The following EFEMP1 variants were observed in gnomAD, a reference collection of about 807,000 sequenced individuals.
EFEMP1 encodes the protein EGF-containing fibulin-like extracellular matrix protein 1.
EFEMP1 carries 18 observed loss-of-function variants against 65.7 expected under a neutral mutation model. That is an observed-to-expected ratio of 0.27 (90% CI 0.19 to 0.41). The LOEUF is 0.41. Ranked by LOEUF, EFEMP1 falls within the 10% of genes least tolerant of loss-of-function variation. The probability of loss-of-function intolerance (pLI) is 1.00; values close to 1 mark genes in which losing one functional copy is unlikely to be tolerated. For synonymous variants in EFEMP1, 237 were observed against 219.7 expected, an observed-to-expected ratio of 1.08 and a Z score of -0.70; for missense variants, 469 against 624.8, an observed-to-expected ratio of 0.75 and a Z score of 2.66.
Position 55,921,760 on chromosome 2 carries a change from G to A in EFEMP1, c.81+600C>T, listed in dbSNP as rs950178001. 2.0e-5 allele frequency among the ~76,000 whole-genome samples: 3 copies of A among 152,192 alleles called. No individual in the cohort carries two copies. Among genetic ancestry groups the A allele is most frequent in the Admixed American group, 6.5e-5 (1 of 15,284 alleles). Reference sequence around the variant, plus strand: ...AGACGCTAATTAGAAAATGCAAAACGGAGTTGCACACATTACGTTTTAAAA... The same window carrying A: ...AGACGCTAATTAGAAAATGCAAAACAGAGTTGCACACATTACGTTTTAAAA... On this transcript the variant is annotated intron_variant, in intron 3 of 11. Transcript: ENST00000355426. This position sits in a 1 kb window ranked among gnomAD's most constrained non-coding sequence, Gnocchi z 4.1.
rs1669331790 is a variant in EFEMP1, at chr2:55,883,840, T to C, written c.518-2106A>G. On this transcript the variant is annotated intron_variant, in intron 5 of 11. Transcript: ENST00000355426. This position sits in a 1 kb window ranked among gnomAD's most constrained non-coding sequence, Gnocchi z 4.5. ...TACTCCTTCTTAAGAATGAGGTCTG[T>C]TTACCTTCTGAGTGGGTTATTTAAT... Among the ~76,000 whole-genome samples, 1 of 152,182 alleles carries C rather than the reference T, an allele frequency of 6.6e-6. No individual in the cohort carries two copies. Among genetic ancestry groups the C allele is most frequent in the Non-Finnish European group, 1.5e-5 (1 of 68,026 alleles).
chr2:55,894,193 T>C (rs1253737558), intron 5 of EFEMP1, among the ~76,000 whole-genome samples: 1 of 152,134 alleles, frequency 6.6e-6, no homozygotes, highest in Non-Finnish European at 1.5e-5. Context: ...AGAACCTACA[T>C]GTAATTCTGA....
At chr2:55,881,784 A>G in intron 5 of EFEMP1, 50 bp from the exon 6 acceptor site, 1 of 1,613,210 alleles carries the variant, frequency 6.2e-7, no homozygotes, top group Non-Finnish European at 8.5e-7. Flanking sequence ...GAAGATGTTG[A>G]TATTTCCTCC....
At chr2:55,875,365 C>T (rs191350564) in intron 8 of EFEMP1, among the ~76,000 whole-genome samples, 17,159 of 137,116 alleles carry the variant, frequency 0.13, 1,356 homozygotes, top group African/African-American at 0.23. Flanking sequence ...CACACACACA[C>T]ATATATATTT....
rs1191042920 is a variant in EFEMP1, at chr2:55,883,757, A to G, written c.518-2023T>C. Among the ~76,000 whole-genome samples the G allele has an allele frequency of 2.0e-5, 3 of 152,190 alleles. No homozygotes were observed. Among genetic ancestry groups the G allele is most frequent in the African/African-American group, 7.2e-5 (3 of 41,452 alleles). ...TTTCTTAGTGTCTGATAAATAGGCT[A>G]ACATTTCCAGTGGAATTAATGTATC... On this transcript the variant is annotated intron_variant, in intron 5 of 11. Transcript: ENST00000355426. The surrounding 1 kb of genome is among the most constrained non-coding windows in gnomAD (Gnocchi z 4.5).
At position 55,917,638 on chromosome 2, in the gene EFEMP1, A is replaced by G. The variant is rs768958395; in HGVS notation, c.517+27T>C. On this transcript the variant is annotated intron_variant, in intron 5 of 11. Transcript: ENST00000355426. This position sits in a 1 kb window ranked among gnomAD's most constrained non-coding sequence, Gnocchi z 6.3. ...AGGTGCACTTGGGCAAAAGCTTTCA[A>G]TGGTTAGGAAAATAAGTTATTCCTA... is the stretch of plus-strand genomic sequence containing the variant. 6.2e-7 allele frequency: 1 copy of G among 1,614,040 alleles called. No homozygotes were observed.
chr2:55,868,839 G>A (rs902369648), intron 11 of EFEMP1, among the ~76,000 whole-genome samples: 19 of 152,028 alleles, frequency 1.2e-4, no homozygotes, highest in African/African-American at 3.6e-4. Context: ...TTAATTAACC[G>A]AATTAATTAA....
chr2:55,906,919 G>T (rs1394984166), intron 5 of EFEMP1, among the ~76,000 whole-genome samples: 1 of 152,204 alleles, frequency 6.6e-6, no homozygotes, highest in Admixed American at 6.5e-5. Context: ...GATTAGTAAT[G>T]AAATGATCAT....
chr2:55,914,725 A>G (rs578014987), intron 5 of EFEMP1, among the ~76,000 whole-genome samples: 54 of 152,230 alleles, frequency 3.5e-4, no homozygotes, highest in Non-Finnish European at 7.2e-4. Flanking sequence ...AGATTCATTT[A>G]TTCTATCCAG....
chr2:55,912,577 T>A (rs867484229), intron 5 of EFEMP1, among the ~76,000 whole-genome samples: 2 of 152,310 alleles, frequency 1.3e-5, no homozygotes, highest in Middle Eastern at 3.4e-3. Flanking sequence ...ACCCTTATGT[T>A]TATAAAGAAA....
chr2:55,904,476 A>T (rs1670167560), intron 5 of EFEMP1, among the ~76,000 whole-genome samples: 1 of 152,174 alleles, frequency 6.6e-6, no homozygotes, highest in Admixed American at 6.5e-5. Flanking sequence ...TGTTTCCAGA[A>T]TAGACAGCAT....
At chr2:55,904,979 C>CTTTTTTTTTTTT (rs1558481238) in intron 5 of EFEMP1, among the ~76,000 whole-genome samples, 1 of 23,404 alleles carries the variant, frequency 4.3e-5, no homozygotes. Flanking sequence ...TTTTTTTTTT[C>CTTTTTTTTTTTT]TTTTTCTTTT....
In EFEMP1 at chr2:55,866,195, T is replaced by A. The variant is rs1668569054; in HGVS notation, c.*878A>T. 1 of 152,184 alleles carries A rather than the reference T, an allele frequency of 6.6e-6. No homozygotes were observed. Among genetic ancestry groups the A allele is most frequent in the African/African-American group, 2.4e-5 (1 of 41,464 alleles). 9.4% of individuals were successfully genotyped at this position (152,184 alleles called of 1,614,324 possible). On this transcript the variant is annotated 3_prime_UTR_variant, in exon 12 of 12. Coordinates refer to ENST00000355426, the MANE Select transcript of EFEMP1 (RefSeq NM_001039348.3). ...AAATTTTAGTTATAAATTAGTGAAG[T>A]GTTAGGATTTAAATTTTACTTAGAA...
rs1670736173 is a variant in EFEMP1, at chr2:55,917,362, C to CT, written c.517+302dup. ...ACCCACCTCAGAGACTGTGATTTAA[C>CT]TGGGCTGGGGTGTAGCTTCGCCATC... On this transcript the variant is annotated intron_variant, in intron 5 of 11. Coordinates refer to ENST00000355426, the MANE Select transcript of EFEMP1 (RefSeq NM_001039348.3). The surrounding 1 kb of genome is among the most constrained non-coding windows in gnomAD (Gnocchi z 6.3). Among the ~76,000 whole-genome samples the CT allele has an allele frequency of 6.6e-6, 1 of 152,168 alleles. No individual in the cohort carries two copies. The highest frequency in any genetic ancestry group is 2.4e-5 in the African/African-American group (1 of 41,428).
Position 55,917,825 on chromosome 2 carries a change from C to A in EFEMP1, c.357G>T (p.Val119=). Residue 119 remains valine, a synonymous_variant, in exon 5 of 12, where the codon GTG becomes GTT. Coordinates refer to ENST00000355426, the MANE Select transcript of EFEMP1 (RefSeq NM_001039348.3). The surrounding 1 kb of genome is among the most constrained non-coding windows in gnomAD (Gnocchi z 6.3). Reference sequence around the variant, plus strand: ...GGCCTGCGACTGCAGCAGCACTGGCCACAAAACCACCCCCGGGCAACACTC... The same window carrying A: ...GGCCTGCGACTGCAGCAGCACTGGCAACAAAACCACCCCCGGGCAACACTC... The part of the protein sequence containing the change: ...TSGVLPGGGF[V]ASAAAVAGPE... The A allele has an allele frequency of 6.2e-7, 1 of 1,614,232 alleles. No homozygotes were observed. The highest frequency in any genetic ancestry group is 8.5e-7 in the Non-Finnish European group (1 of 1,180,028).
rs990750527 is a variant in EFEMP1 at position 55,877,285 on chromosome 2, T to C, written c.760+461A>G. On this transcript the variant is annotated intron_variant, in intron 7 of 11. Transcript: ENST00000355426. The surrounding 1 kb of genome is among the most constrained non-coding windows in gnomAD (Gnocchi z 4.5). ...ATGCTCTAAAGCACTGAAAATATTG[T>C]GAAAAGGCATTTTTCCTACACTAGA... Among the ~76,000 whole-genome samples the C allele has an allele frequency of 1.3e-5, 2 of 152,190 alleles. No homozygotes were observed. Among genetic ancestry groups the C allele is most frequent in the African/African-American group, 4.8e-5 (2 of 41,458 alleles).
At chr2:55,879,812 T>A (rs1446591068) in intron 6 of EFEMP1, among the ~76,000 whole-genome samples, 1 of 152,186 alleles carries the variant, frequency 6.6e-6, no homozygotes. Flanking sequence ...AAATAGCAAT[T>A]TGACATTAGT....
At chr2:55,875,333 T>TACACAC (rs1340819904) in intron 8 of EFEMP1, among the ~76,000 whole-genome samples, 105 of 126,926 alleles carry the variant, frequency 8.3e-4, no homozygotes, top group South Asian at 7.0e-3. Context: ...GGGTTTCATA[T>TACACAC]ATACACACAC....
In EFEMP1 at chr2:55,876,672, A is replaced by G; in HGVS notation, c.831T>C (p.Cys277=). ...QCYNILGSFI[C]QCNQGYELSS... ...TTAGCTCATATCCTTGATTGCACTG[A>G]CAGATGAATGAACCAAGAATGTTGT... The change falls in exon 8 of 12, where the codon TGT becomes TGC. Residue 277 remains cysteine, a synonymous_variant. Transcript: ENST00000355426. 2 of 1,612,598 alleles carry G rather than the reference A, an allele frequency of 1.2e-6. No homozygotes were observed. The highest frequency in any genetic ancestry group is 1.7e-6 in the Non-Finnish European group (2 of 1,178,994).
Sources: allele counts gnomAD v4.1 joint callset (sites outside exome capture counted in the v4.1 genomes callset), GRCh38; gene constraint gnomAD v4.1.1; non-coding constraint Gnocchi (gnomAD v3.1); transcripts MANE v1.5; gene names NCBI Gene and HGNC (gene_info 2026-07-23, HGNC 2026-07-21).